Variants in RABGAP1L observed in about 807,000 individuals in gnomAD.
The protein encoded by RABGAP1L is RAB GTPase activating protein 1 like.
In RABGAP1L, 63 loss-of-function variants were observed where a neutral mutation model predicts 137.7. The observed-to-expected ratio is 0.46, with a 90% CI of 0.37 to 0.56. The LOEUF is 0.56. Among genes scored for constraint, RABGAP1L ranks in the 20% least tolerant of loss-of-function variants. The probability of loss-of-function intolerance (pLI) is 0.00; values close to 1 mark genes in which losing one functional copy is unlikely to be tolerated. For synonymous variants in RABGAP1L, 431 were observed against 433.7 expected (o/e 0.99, Z 0.08); for missense variants, 1,095 against 1,244.0 (o/e 0.88, Z 1.80).
At chr1:174,286,409 A>G (rs1676052264) in intron 10 of RABGAP1L, among the ~76,000 whole-genome samples, 1 of 152,030 alleles carries the variant, frequency 6.6e-6, no homozygotes, top group African/African-American at 2.4e-5. Flanking sequence ...ATCAGTTATA[A>G]TGCCTCTTCT....
In RABGAP1L at chr1:174,176,713, G is replaced by GGAAAAA. The variant is rs1232596038; in HGVS notation, c.-34+17056_-34+17057insGAAAAA. 4.5e-3 allele frequency among the ~76,000 whole-genome samples: 96 copies of GGAAAAA among 21,556 alleles called. 3 individuals carry two copies. The highest frequency in any genetic ancestry group is 0.013 in the African/African-American group (87 of 6,940). 14.1% of individuals were successfully genotyped at this position (21,556 alleles called of 152,430 possible). On this transcript the variant is annotated intron_variant, in intron 1 of 25. Transcript: ENST00000681986. ...GACAACAGAGGGAGACCCTTTTTCA[G>GGAAAAA]AAAAAAAAAAAAAAAAAAAAAAAAA... is the stretch of plus-strand genomic sequence containing the variant.
chr1:174,723,225 C>T (rs1194378330), intron 17 of RABGAP1L, among the ~76,000 whole-genome samples: 1 of 152,154 alleles, frequency 6.6e-6, no homozygotes, highest in Non-Finnish European at 1.5e-5. Flanking sequence ...CAGGTGTCCA[C>T]CACCACGCCT....
chr1:174,799,892 G>A, intron 18 of RABGAP1L: 2 of 987,204 alleles, frequency 2.0e-6, no homozygotes, highest in Non-Finnish European at 2.4e-6. Context: ...TGCTGCTGCT[G>A]TCTTCTCACA....
chr1:174,706,831 T>C (rs1680084577), intron 17 of RABGAP1L, among the ~76,000 whole-genome samples: 1 of 152,228 alleles, frequency 6.6e-6, no homozygotes, highest in Non-Finnish European at 1.5e-5. Context: ...TGTGGAATCA[T>C]ACAATACGAA....
At chr1:174,360,937 A>G (rs970204047) in intron 11 of RABGAP1L, among the ~76,000 whole-genome samples, 4 of 152,188 alleles carry the variant, frequency 2.6e-5, no homozygotes, top group African/African-American at 9.7e-5. Flanking sequence ...CAGGTGGATC[A>G]CAAGGTCAGG....
At chr1:174,845,972 G>A (rs1467394441) in intron 19 of RABGAP1L, among the ~76,000 whole-genome samples, 2 of 137,966 alleles carry the variant, frequency 1.4e-5, no homozygotes, top group Non-Finnish European at 3.1e-5. Flanking sequence ...TATGTGTCGA[G>A]GAATGTATCC....
chr1:174,486,103 T>A (rs964355581), intron 13 of RABGAP1L, among the ~76,000 whole-genome samples: 3 of 152,132 alleles, frequency 2.0e-5, no homozygotes, highest in Admixed American at 6.5e-5. Flanking sequence ...TCTTCCAGAT[T>A]TCCTAATTTA....
chr1:174,312,304 T>C (rs1572029340), intron 11 of RABGAP1L, among the ~76,000 whole-genome samples: 1 of 152,232 alleles, frequency 6.6e-6, no homozygotes, highest in East Asian at 1.9e-4. Context: ...TGAGATGATA[T>C]CTCATTGTAG....
intron 13 of RABGAP1L, among the ~76,000 whole-genome samples, chr1:174,544,000 C>T (rs1464691849): frequency 6.6e-6 from 1 of 152,182 alleles, no homozygotes; most frequent in South Asian, 2.1e-4. Context: ...GTGGGTAACT[C>T]GACCTTTCTC....
intron 13 of RABGAP1L, among the ~76,000 whole-genome samples, chr1:174,437,977 T>A (rs1195414135): frequency 1.3e-5 from 2 of 152,142 alleles, no homozygotes; most frequent in African/African-American, 2.4e-5. Context: ...CTAAGCTTCA[T>A]AAGTGAAGGA....
At position 174,616,441 on chromosome 1, in the gene RABGAP1L, T is replaced by C. The variant is rs561740874; in HGVS notation, c.1711-20934T>C. Reference sequence around the variant, plus strand: ...ACCCTGCCTGCTTCTCTAATTCTGATTTATTCAGTACTCATTTACCTAGTG... The same window carrying C: ...ACCCTGCCTGCTTCTCTAATTCTGACTTATTCAGTACTCATTTACCTAGTG... On this transcript the variant is annotated intron_variant, in intron 13 of 25. Coordinates refer to ENST00000681986, the MANE Select transcript of RABGAP1L (RefSeq NM_001366446.1). Among the ~76,000 whole-genome samples the C allele has an allele frequency of 2.6e-5, 4 of 152,344 alleles. No individual in the cohort carries two copies. The South Asian group carries it at 8.3e-4, about 32-fold the overall frequency.
rs201974181 is a variant in RABGAP1L at position 174,371,011 on chromosome 1, G to A, written c.1498G>A (p.Asp500Asn). The change falls in exon 12 of 26, where the codon GAT (aspartate) becomes AAT (asparagine). Residue 500 changes from aspartate to asparagine, a missense_variant. Asp to Asn is a conservative substitution (Grantham distance 23). This residue lies in a region of RABGAP1L where 315 missense variants were observed against 324.8 expected (regional missense o/e 0.97). Coordinates refer to ENST00000681986, the MANE Select transcript of RABGAP1L (RefSeq NM_001366446.1). ...SDNELSSGTG[D>N]VSKDCPEKIL... is the part of the protein sequence containing the mutation. The stretch of plus-strand genomic sequence containing the variant: ...TAATGAACTCTCAAGTGGAACAGGT[G>A]ATGTGTCTAAGGATTGTCCTGAGAA... 8.0e-6 allele frequency: 12 copies of A among 1,496,544 alleles called. No homozygotes were observed. The highest frequency in any genetic ancestry group is 3.6e-6 in the Non-Finnish European group (4 of 1,103,756). The allele number at this position is 1,496,544 out of a possible 1,614,324, so 92.7% of individuals were successfully genotyped here.
intron 13 of RABGAP1L, among the ~76,000 whole-genome samples, chr1:174,508,917 A>C (rs942473653): frequency 1.3e-5 from 2 of 152,168 alleles, no homozygotes; most frequent in Non-Finnish European, 2.9e-5. Context: ...ATGAAAAAAA[A>C]CCCAGCACAC....
At chr1:174,318,986 CT>C (rs1366384045) in intron 11 of RABGAP1L, among the ~76,000 whole-genome samples, 2 of 151,944 alleles carry the variant, frequency 1.3e-5, no homozygotes, top group African/African-American at 4.8e-5. Context: ...AACCTTCATA[CT>C]GAAGATGTAA....
chr1:174,356,365 T>C (rs1039978856), intron 11 of RABGAP1L, among the ~76,000 whole-genome samples: 5 of 152,096 alleles, frequency 3.3e-5, no homozygotes, highest in Admixed American at 6.5e-5. Context: ...GTGTTCTACT[T>C]GGTAGCTTTT....
At chr1:174,737,577 C>G (rs977555716) in intron 17 of RABGAP1L, among the ~76,000 whole-genome samples, 1 of 152,198 alleles carries the variant, frequency 6.6e-6, no homozygotes, top group Non-Finnish European at 1.5e-5. Flanking sequence ...CTACCTGTTA[C>G]CCAATTCCAA....
intron 15 of RABGAP1L, among the ~76,000 whole-genome samples, chr1:174,685,781 A>C (rs1678415467): frequency 6.6e-6 from 1 of 152,080 alleles, no homozygotes; most frequent in Non-Finnish European, 1.5e-5. Flanking sequence ...GGCTGGTCTC[A>C]AACTCCTGAC....
intron 14 of RABGAP1L, among the ~76,000 whole-genome samples, chr1:174,640,737 T>C (rs1366128070): frequency 2.6e-5 from 4 of 151,868 alleles, no homozygotes; most frequent in Non-Finnish European, 4.4e-5. Flanking sequence ...CAATCCTTAT[T>C]CTTTTTCTAT....
chr1:174,496,221 A>T (rs538967835), intron 13 of RABGAP1L, among the ~76,000 whole-genome samples: 2 of 152,340 alleles, frequency 1.3e-5, no homozygotes, highest in South Asian at 4.1e-4. Context: ...ATACATGGAC[A>T]ATTTTTGCCA....
Sources: gnomAD v4.1 joint callset for allele counts (sites outside exome capture counted in the v4.1 genomes callset) on GRCh38, gnomAD v4.1.1 for gene constraint, gnomAD v4.1.1 regional missense constraint, MANE v1.5 for transcripts, NCBI Gene and HGNC (gene_info 2026-07-23, HGNC 2026-07-21) for gene names.